PKP2: variants seen among roughly 807,000 people sequenced by gnomAD.
PKP2 encodes plakophilin 2, also known as plakophilin-2.
Under a neutral mutation model 83.4 loss-of-function variants are expected in PKP2, and 73 were observed. The observed-to-expected ratio is 0.88, with a 90% confidence interval of 0.72 to 1.06. The LOEUF (loss-of-function observed/expected upper bound fraction) is 1.06, where lower values mean the gene tolerates loss of function less well. Ranked by LOEUF, PKP2 falls within the 50% of genes least tolerant of loss-of-function variation. The pLI is 0.00. For synonymous variants in PKP2, 409 were observed against 430.4 expected (o/e 0.95, Z 0.62); for missense variants, 966 against 1,065.4 (o/e 0.91, Z 1.30).
intron 4 of PKP2, among the ~76,000 whole-genome samples, chr12:32,866,843 A>T (rs1956853652): frequency 6.6e-6 from 1 of 152,206 alleles, no homozygotes. Flanking sequence ...ATAAAAGCAC[A>T]TGTCTACATG....
Position 32,841,092 on chromosome 12 carries a change from C to G in PKP2, c.1492G>C (p.Asp498His). The G allele has an allele frequency of 6.2e-7, 1 of 1,613,900 alleles. No individual in the cohort carries two copies. Among genetic ancestry groups the G allele is most frequent in the Non-Finnish European group, 8.5e-7 (1 of 1,179,878 alleles). Residue 498 changes from aspartate (D) to histidine (H), a missense_variant, in exon 6 of 13, where the codon GAC becomes CAC. Asp to His is a moderately conservative substitution (Grantham distance 81). Coordinates refer to ENST00000340811, the MANE Select transcript of PKP2 (RefSeq NM_001005242.3). ...IIPFSGWPEG[D>H]YPKANGLLDF... ...AGCAAACCATTTGCTTTTGGGTAGTCTCCTTCAGGCCACCCAGAAAAGGGG... is the reference window on the plus strand; with the variant it reads ...AGCAAACCATTTGCTTTTGGGTAGTGTCCTTCAGGCCACCCAGAAAAGGGG...
intron 1 of PKP2, among the ~76,000 whole-genome samples, chr12:32,880,273 G>A (rs917209190): frequency 4.0e-5 from 6 of 151,244 alleles, no homozygotes; most frequent in Non-Finnish European, 5.9e-5. Context: ...GGTGGTGGGC[G>A]CCTGTAATCC....
At chr12:32,876,691 A>G (rs974049586) in intron 3 of PKP2, among the ~76,000 whole-genome samples, 1 of 152,062 alleles carries the variant, frequency 6.6e-6, no homozygotes, top group Non-Finnish European at 1.5e-5. Flanking sequence ...AACCACACCC[A>G]GCTAATATTT....
At chr12:32,800,886 T>A (rs1956172269) in intron 10 of PKP2, among the ~76,000 whole-genome samples, 1 of 152,182 alleles carries the variant, frequency 6.6e-6, no homozygotes, top group South Asian at 2.1e-4. Context: ...AGTTTCAAGT[T>A]TATTTCTCTA....
At chr12:32,822,667 T>C (rs1173276426) in intron 7 of PKP2, 36 bp from the exon 8 acceptor site, 4 of 1,604,952 alleles carry the variant, frequency 2.5e-6, no homozygotes, top group South Asian at 1.1e-5. Flanking sequence ...ATCGTATACA[T>C]ATAGATATCC....
chr12:32,858,842 A>G (rs976389005), intron 4 of PKP2, among the ~76,000 whole-genome samples: 1 of 152,202 alleles, frequency 6.6e-6, no homozygotes, highest in Non-Finnish European at 1.5e-5. Context: ...CAAAAACCAC[A>G]CCAAAAGGTG....
rs79780322 is a variant in PKP2 at position 32,804,133 on chromosome 12, T to C, written c.2014-1577A>G. Among the ~76,000 whole-genome samples the C allele has an allele frequency of 4.2e-3, 643 of 152,342 alleles. 2 individuals are homozygous for C. Among genetic ancestry groups the C allele is most frequent in the Non-Finnish European group, 7.7e-3 (523 of 68,034 alleles). On this transcript the variant is annotated intron_variant, in intron 9 of 12. Transcript: ENST00000340811. ...CTTTCCGTCTCTACCATGCTGTGTT[T>C]TGATGGAAAGGTAACTGTCCACTGT...
chr12:32,840,945 A>G lies in PKP2; in HGVS notation c.1556+83T>C, dbSNP rs1355109617. On this transcript the variant is annotated intron_variant, in intron 6 of 12. Transcript: ENST00000340811. The stretch of plus-strand genomic sequence containing the variant: ...AAACTGTGTAACTAGAAAAGAACCA[A>G]AGGCAGAATATATCCTGACTTCCTT... The G allele has an allele frequency of 3.1e-6, 3 of 963,366 alleles. No individual in the cohort carries two copies. The African/African-American group carries it at 4.8e-5, about 15-fold the overall frequency. 59.7% of individuals were successfully genotyped at this position (963,366 alleles called of 1,614,324 possible).
intron 9 of PKP2, among the ~76,000 whole-genome samples, chr12:32,802,936 G>A (rs959834655): frequency 6.6e-6 from 1 of 151,898 alleles, no homozygotes; most frequent in Non-Finnish European, 1.5e-5. Context: ...TGGGATTACA[G>A]GCGTGAACCA....
intron 9 of PKP2, among the ~76,000 whole-genome samples, chr12:32,816,865 G>C (rs1407742533): frequency 1.3e-5 from 2 of 152,084 alleles, no homozygotes; most frequent in African/African-American, 2.4e-5. Flanking sequence ...TTTCATGTTT[G>C]TTGGCCACTG....
At chr12:32,833,242 C>T (rs1385275614) in intron 6 of PKP2, among the ~76,000 whole-genome samples, 3 of 151,494 alleles carry the variant, frequency 2.0e-5, no homozygotes, top group Non-Finnish European at 2.9e-5. Flanking sequence ...GACTCTGTCT[C>T]AAAAAATAAA....
intron 6 of PKP2, 37 bp from the exon 7 acceptor site, chr12:32,824,199 G>A (rs1956411821): frequency 7.4e-7 from 1 of 1,352,712 alleles, no homozygotes; most frequent in African/African-American, 1.4e-5. Context: ...AGTAAGTCTA[G>A]GCTGTGTATC....
At chr12:32,874,995 A>C (rs949164287) in intron 3 of PKP2, among the ~76,000 whole-genome samples, 8 of 152,138 alleles carry the variant, frequency 5.3e-5, no homozygotes, top group African/African-American at 1.4e-4. Flanking sequence ...GCGATCCTCC[A>C]GCCTGGGCCT....
rs533952272 is a variant in PKP2 at position 32,821,542 on chromosome 12, A to G, written c.1840-13T>C. 1 of 1,613,816 alleles carries G rather than the reference A, an allele frequency of 6.2e-7. No individual in the cohort carries two copies. Among genetic ancestry groups the G allele is most frequent in the East Asian group, 2.2e-5 (1 of 44,870 alleles). On this transcript the variant is annotated splice_polypyrimidine_tract_variant and intron_variant, in intron 8 of 12. Coordinates refer to ENST00000340811, the MANE Select transcript of PKP2 (RefSeq NM_001005242.3). The stretch of plus-strand genomic sequence containing the variant: ...CGTCCTGGTATTGCTGACCACACAC[A>G]AAAGGAATCCAGAATTAATGCATGT...
rs547349824 is a variant in PKP2 at position 32,891,715 on chromosome 12, C to A, written c.223+4794G>T. Among the ~76,000 whole-genome samples, 5 of 152,278 alleles carry A rather than the reference C, an allele frequency of 3.3e-5. No homozygotes were observed. In the South Asian group the frequency reaches 1.0e-3, roughly 32 times the overall value. ...AGGTAATTTCCTGCGTCTTATCTGTCACATATAGAACAATGTACTTTCATA... is the reference window on the plus strand; with the variant it reads ...AGGTAATTTCCTGCGTCTTATCTGTAACATATAGAACAATGTACTTTCATA... On this transcript the variant is annotated intron_variant, in intron 1 of 12. Coordinates refer to ENST00000340811, the MANE Select transcript of PKP2 (RefSeq NM_001005242.3).
At chr12:32,880,124 C>T (rs1013088537) in intron 1 of PKP2, among the ~76,000 whole-genome samples, 13 of 150,948 alleles carry the variant, frequency 8.6e-5, no homozygotes, top group Middle Eastern at 3.4e-3. Context: ...CAGGATAGGC[C>T]GGGCGTGGTG....
intron 5 of PKP2, among the ~76,000 whole-genome samples, chr12:32,847,592 C>T (rs535620971): frequency 3.9e-5 from 6 of 152,298 alleles, no homozygotes; most frequent in Admixed American, 1.3e-4. Flanking sequence ...ACCAGGCACC[C>T]TAACTCCAAA....
At position 32,896,699 on chromosome 12, in the gene PKP2, G is replaced by A. The variant is rs1957128988; in HGVS notation, c.33C>T (p.Gly11=). 3 of 1,505,562 alleles carry A rather than the reference G, an allele frequency of 2.0e-6. No homozygotes were observed. Among genetic ancestry groups the A allele is most frequent in the African/African-American group, 2.9e-5 (2 of 70,100 alleles). 93.3% of individuals were successfully genotyped at this position (1,505,562 alleles called of 1,614,324 possible). The change falls in exon 1 of 13, where the codon GGC becomes GGT. Residue 11 remains glycine (G), a synonymous_variant. Coordinates refer to ENST00000340811, the MANE Select transcript of PKP2 (RefSeq NM_001005242.3). ...GCTGGCCCAGGACGGTCCGGATGTA[G>A]CCGTACTCAGCTGGGGCGCCGGGGG... MAAPGAPAEY[G]YIRTVLGQQI... is the part of the protein sequence containing the mutation.
intron 11 of PKP2, among the ~76,000 whole-genome samples, chr12:32,795,579 C>A (rs1956113007): frequency 6.6e-6 from 1 of 152,142 alleles, no homozygotes; most frequent in Admixed American, 6.5e-5. Flanking sequence ...CAGGGTTTTG[C>A]CATGTCGGCC....
Sources: gnomAD v4.1 joint callset for allele counts (sites outside exome capture counted in the v4.1 genomes callset) on GRCh38, gnomAD v4.1.1 for gene constraint, MANE v1.5 for transcripts, NCBI Gene and HGNC (gene_info 2026-07-23, HGNC 2026-07-21) for gene names.